Variants in KAZN observed in about 807,000 individuals in gnomAD.
The protein encoded by KAZN is kazrin.
Under a neutral mutation model 87.4 loss-of-function variants are expected in KAZN, and 40 were observed. That is an observed-to-expected ratio of 0.46 (90% CI 0.36 to 0.60). The LOEUF (loss-of-function observed/expected upper bound fraction) is 0.60, where lower values mean the gene tolerates loss of function less well. KAZN is among the 20% of genes least tolerant of loss of function. The pLI is 0.00. For missense variants in KAZN, 898 were observed against 1,073.9 expected (o/e 0.84, Z 2.29); for synonymous variants, 466 against 458.3 (o/e 1.02, Z -0.22).
At chr1:14,891,079 C>T (rs931917006) in intron 1 of KAZN, among the ~76,000 whole-genome samples, 7 of 147,196 alleles carry the variant, frequency 4.8e-5, no homozygotes, top group Admixed American at 2.0e-4. Flanking sequence ...CTCCTGACCT[C>T]GTGATCCACC....
intron 2 of KAZN, among the ~76,000 whole-genome samples, chr1:14,286,109 C>T (rs1051617668): frequency 2.6e-5 from 4 of 152,198 alleles, no homozygotes; most frequent in Admixed American, 6.5e-5. Flanking sequence ...CCACACACTG[C>T]GTGGCTTGAA....
intron 1 of KAZN, among the ~76,000 whole-genome samples, chr1:13,988,948 C>A (rs887137511): frequency 6.6e-5 from 10 of 152,050 alleles, no homozygotes; most frequent in African/African-American, 2.2e-4. Context: ...ATACAGAAAA[C>A]CTGGGACTGG....
chr1:14,022,515 GAAAA>G (rs1311797381), intron 1 of KAZN, among the ~76,000 whole-genome samples: 2 of 87,822 alleles, frequency 2.3e-5, no homozygotes, highest in East Asian at 6.8e-4. Flanking sequence ...AAAAAAAAAA[GAAAA>G]AAAGAAAAAA....
At chr1:13,946,174 C>T (rs75175970) in intron 1 of KAZN, among the ~76,000 whole-genome samples, 1 of 152,076 alleles carries the variant, frequency 6.6e-6, no homozygotes, top group Non-Finnish European at 1.5e-5. Flanking sequence ...TTGGCTAACC[C>T]GAATCCCTCA....
In KAZN at chr1:15,065,989, G is replaced by A. The variant is rs542928296; in HGVS notation, c.1222+236G>A. 12 of 1,341,362 alleles carry A rather than the reference G, an allele frequency of 8.9e-6. No individual in the cohort carries two copies. In the East Asian group the frequency reaches 1.2e-4, roughly 13 times the overall value. The allele number at this position is 1,341,362 out of a possible 1,614,324, so 83.1% of individuals were successfully genotyped here. ...AGTGTGAACCTCTCTCCCCTGCGTC[G>A]CCACCTCTGTAATTGATGTACATAC... is the stretch of plus-strand genomic sequence containing the variant. On this transcript the variant is annotated intron_variant, in intron 8 of 14. Coordinates refer to ENST00000376030, the MANE Select transcript of KAZN (RefSeq NM_201628.3).
At chr1:14,871,415 G>A (rs1652113181) in intron 1 of KAZN, among the ~76,000 whole-genome samples, 1 of 152,044 alleles carries the variant, frequency 6.6e-6, no homozygotes, top group South Asian at 2.1e-4. Context: ...CTGGAGGATG[G>A]GCTTCCTCTT....
At chr1:13,988,201 G>T (rs1639109910) in intron 1 of KAZN, among the ~76,000 whole-genome samples, 1 of 152,076 alleles carries the variant, frequency 6.6e-6, no homozygotes, top group African/African-American at 2.4e-5. Flanking sequence ...AGCATTTGGA[G>T]AATAAAATAA....
At chr1:14,841,383 G>A (rs1268713466) in intron 1 of KAZN, among the ~76,000 whole-genome samples, 1 of 128,626 alleles carries the variant, frequency 7.8e-6, no homozygotes, top group Non-Finnish European at 1.6e-5. Flanking sequence ...TCCAGCCTGG[G>A]CGACAGAGCA....
At chr1:14,951,740 A>G (rs1446196715) in intron 1 of KAZN, among the ~76,000 whole-genome samples, 1 of 152,096 alleles carries the variant, frequency 6.6e-6, no homozygotes, top group African/African-American at 2.4e-5. Context: ...AGCTTCCCAA[A>G]GTGCTGGGAT....
chr1:15,026,136 G>A (rs899108155), intron 2 of KAZN, among the ~76,000 whole-genome samples: 1 of 152,120 alleles, frequency 6.6e-6, no homozygotes, highest in Non-Finnish European at 1.5e-5. Flanking sequence ...CTCTTCCCCG[G>A]GGCTCTTTAC....
At chr1:14,896,315 A>G (rs1427628614) in intron 1 of KAZN, among the ~76,000 whole-genome samples, 1 of 152,166 alleles carries the variant, frequency 6.6e-6, no homozygotes, top group Non-Finnish European at 1.5e-5. Context: ...GGCCTCCCAA[A>G]GCACTGGGAT....
intron 2 of KAZN, among the ~76,000 whole-genome samples, chr1:14,513,930 A>G (rs980792011): frequency 6.6e-6 from 1 of 152,002 alleles, no homozygotes; most frequent in Non-Finnish European, 1.5e-5. Context: ...GAGATTCAAT[A>G]TCATTAATTT....
chr1:14,251,040 G>A (rs1283553940), intron 2 of KAZN, among the ~76,000 whole-genome samples: 2 of 152,066 alleles, frequency 1.3e-5, no homozygotes, highest in Non-Finnish European at 2.9e-5. Context: ...GCCCCCTAGT[G>A]AACCCAAAAT....
intron 1 of KAZN, among the ~76,000 whole-genome samples, chr1:14,697,435 G>C (rs16850730): frequency 6.6e-6 from 1 of 152,164 alleles, no homozygotes; most frequent in South Asian, 2.1e-4. Flanking sequence ...CCTCCTGTCC[G>C]TAAGCATGCA....
chr1:14,971,534 T>C (rs1665027130), intron 2 of KAZN, among the ~76,000 whole-genome samples: 1 of 152,196 alleles, frequency 6.6e-6, no homozygotes, highest in Non-Finnish European at 1.5e-5. Context: ...TCTTTGATTC[T>C]GAGGTTCTCA....
intron 1 of KAZN, among the ~76,000 whole-genome samples, chr1:14,777,405 C>A (rs1645212419): frequency 6.6e-6 from 1 of 152,150 alleles, no homozygotes; most frequent in Non-Finnish European, 1.5e-5. Context: ...CTAGCTGACC[C>A]CAGTGCCCTT....
At chr1:14,787,290 T>G (rs1227906939) in intron 1 of KAZN, among the ~76,000 whole-genome samples, 1 of 152,204 alleles carries the variant, frequency 6.6e-6, no homozygotes, top group Non-Finnish European at 1.5e-5. Context: ...CACTAAGAAG[T>G]AGGCGTTTTT....
intron 2 of KAZN, among the ~76,000 whole-genome samples, chr1:14,189,430 A>G (rs6679368): frequency 0.23 from 34,617 of 152,108 alleles, 4,239 homozygotes; most frequent in Middle Eastern, 0.34. Flanking sequence ...AACCATCCCA[A>G]AACAGTGGCT....
intron 1 of KAZN, among the ~76,000 whole-genome samples, chr1:14,764,715 G>A (rs960367947): frequency 3.9e-5 from 6 of 152,102 alleles, no homozygotes; most frequent in African/African-American, 1.2e-4. Flanking sequence ...CCATCCTTGA[G>A]GACAGTCACC....
Sources: allele counts gnomAD v4.1 joint callset (sites outside exome capture counted in the v4.1 genomes callset), GRCh38; gene constraint gnomAD v4.1.1; transcripts MANE v1.5; gene names NCBI Gene and HGNC (gene_info 2026-07-23, HGNC 2026-07-21).